FANCC: variants seen among roughly 807,000 people sequenced by gnomAD.
The protein encoded by FANCC is FA complementation group C.
A neutral mutation model predicts 71.3 loss-of-function variants in FANCC; 55 were observed. The ratio of observed to expected loss-of-function variants is 0.77; its 90% CI spans 0.62 to 0.97. The LOEUF (loss-of-function observed/expected upper bound fraction) is 0.97. FANCC is among the 50% of genes least tolerant of loss of function. The pLI, the probability that FANCC is intolerant of heterozygous loss-of-function variation, is 0.00. For missense variants in FANCC, 678 were observed against 670.9 expected (o/e 1.01, Z -0.12); for synonymous variants, 275 against 244.9 (o/e 1.12, Z -1.15).
At chr9:95,150,995 A>T (rs1303951117) in intron 6 of FANCC, among the ~76,000 whole-genome samples, 4 of 152,258 alleles carry the variant, frequency 2.6e-5, no homozygotes, top group Admixed American at 6.5e-5. Context: ...CCTCAACTGC[A>T]CTAGTCACAG....
chr9:95,269,374 G>A lies in FANCC; in HGVS notation c.-78-20005C>T, dbSNP rs145228375. Among the ~76,000 whole-genome samples the A allele has an allele frequency of 3.0e-3, 464 of 152,316 alleles. 1 individual carries two copies. The highest frequency in any genetic ancestry group is 8.8e-3 in the African/African-American group (366 of 41,558). On this transcript the variant is annotated intron_variant, in intron 1 of 14. Coordinates refer to ENST00000289081, the MANE Select transcript of FANCC (RefSeq NM_000136.3). Reference sequence around the variant, plus strand: ...ATGGGGGAATTGTTTTTACAAACTCGTTGAAAGATGATTACAATAGTCCTT... The same window carrying A: ...ATGGGGGAATTGTTTTTACAAACTCATTGAAAGATGATTACAATAGTCCTT...
intron 8 of FANCC, among the ~76,000 whole-genome samples, chr9:95,133,921 T>C (rs899984171): frequency 6.6e-6 from 1 of 152,238 alleles, no homozygotes; most frequent in African/African-American, 2.4e-5. Context: ...CATTTTAAAA[T>C]AAGGTGCATT....
At chr9:95,136,409 T>G (rs1380013573) in intron 7 of FANCC, among the ~76,000 whole-genome samples, 1 of 151,720 alleles carries the variant, frequency 6.6e-6, no homozygotes, top group Non-Finnish European at 1.5e-5. Context: ...ATTTCATATA[T>G]GGTAGTTATG....
At chr9:95,104,498 C>T (rs1263632412) in intron 14 of FANCC, among the ~76,000 whole-genome samples, 2 of 152,030 alleles carry the variant, frequency 1.3e-5, no homozygotes, top group Non-Finnish European at 2.9e-5. Context: ...GGCTGAACCA[C>T]GTGTCAGGAG....
intron 14 of FANCC, among the ~76,000 whole-genome samples, chr9:95,102,458 G>A (rs2134391368): frequency 6.6e-6 from 1 of 152,342 alleles, no homozygotes; most frequent in Middle Eastern, 3.4e-3. Flanking sequence ...AGAAAAAAGG[G>A]AAGGGTGAGA....
intron 1 of FANCC, among the ~76,000 whole-genome samples, chr9:95,269,785 G>A (rs2136210881): frequency 6.6e-6 from 1 of 152,230 alleles, no homozygotes; most frequent in East Asian, 1.9e-4. Context: ...GGGGTGGGTT[G>A]CCCCTACACA....
intron 4 of FANCC, among the ~76,000 whole-genome samples, chr9:95,231,524 C>T (rs796620667): frequency 6.6e-6 from 1 of 152,138 alleles, no homozygotes; most frequent in Middle Eastern, 3.2e-3. Context: ...CTAGCGAGAG[C>T]CCCTGTCTCC....
At chr9:95,146,499 A>AAAAC (rs1829568187) in intron 7 of FANCC, among the ~76,000 whole-genome samples, 1 of 151,340 alleles carries the variant, frequency 6.6e-6, no homozygotes, top group Admixed American at 6.6e-5. Context: ...AAAAAAAAAA[A>AAAAC]AAAAAAAAAA....
chr9:95,123,864 C>G (rs1588094348), intron 10 of FANCC: 1 of 584,766 alleles, frequency 1.7e-6, no homozygotes, highest in East Asian at 3.7e-5. Flanking sequence ...CCAAAGCCCA[C>G]GTAAGGAGTT....
At position 95,226,468 on chromosome 9, in the gene FANCC, C is replaced by G. The variant is rs74615438; in HGVS notation, c.345+14181G>C. ...AGACAGCGTCTCCCCGGGCAGCTGC[C>G]CAGGAACACGGCAGACAGGAGTGAG... On this transcript the variant is annotated intron_variant, in intron 4 of 14. Coordinates refer to ENST00000289081, the MANE Select transcript of FANCC (RefSeq NM_000136.3). Among the ~76,000 whole-genome samples the G allele has an allele frequency of 3.1e-3, 474 of 152,170 alleles. 9 individuals carry two copies. The East Asian group carries it at 0.043, about 14-fold the overall frequency.
chr9:95,315,760 T>A (rs1293356241), intron 1 of FANCC, among the ~76,000 whole-genome samples: 2 of 152,250 alleles, frequency 1.3e-5, no homozygotes, highest in Non-Finnish European at 2.9e-5. Flanking sequence ...ACCACTCATG[T>A]GAGTTTCCTC....
At chr9:95,287,834 T>TCCC (rs1293086074) in intron 1 of FANCC, among the ~76,000 whole-genome samples, 10 of 152,364 alleles carry the variant, frequency 6.6e-5, no homozygotes, top group African/African-American at 2.4e-4. Flanking sequence ...CAGAGTAGTA[T>TCCC]TTCTGCAATT....
intron 1 of FANCC, among the ~76,000 whole-genome samples, chr9:95,265,546 T>C (rs1426191503): frequency 6.6e-6 from 1 of 152,200 alleles, no homozygotes; most frequent in African/African-American, 2.4e-5. Context: ...ATGCATTCTA[T>C]TACAATCATT....
chr9:95,182,356 T>A (rs933964093), intron 4 of FANCC, among the ~76,000 whole-genome samples: 7 of 152,028 alleles, frequency 4.6e-5, no homozygotes, highest in Admixed American at 4.6e-4. Context: ...CCGTCTCTAC[T>A]AAAAATACAA....
intron 1 of FANCC, chr9:95,292,919 C>T (rs1361711176): frequency 4.9e-5 from 78 of 1,579,656 alleles, no homozygotes; most frequent in East Asian, 6.7e-5. Context: ...GGTGCACATG[C>T]GGCTGTCCCT....
At chr9:95,155,779 GC>G (rs1830433933) in intron 6 of FANCC, among the ~76,000 whole-genome samples, 3 of 152,182 alleles carry the variant, frequency 2.0e-5, no homozygotes, top group African/African-American at 7.2e-5. Context: ...GTGCAGTGGT[GC>G]AGTCTTGGCT....
At position 95,299,261 on chromosome 9, in the gene FANCC, C is replaced by A. The variant is rs568090993; in HGVS notation, c.-79+18265G>T. On this transcript the variant is annotated intron_variant, in intron 1 of 14. Transcript: ENST00000289081. ...TAATTTGTAATGAGCAATAAGAAAA[C>A]TTGAAATTTTTCCAGCTTTGTCTAG... 4.0e-4 allele frequency among the ~76,000 whole-genome samples: 61 copies of A among 152,252 alleles called. No individual in the cohort carries two copies. In the South Asian group the frequency reaches 0.012, roughly 31 times the overall value.
intron 1 of FANCC, among the ~76,000 whole-genome samples, chr9:95,256,121 G>C (rs1831642400): frequency 6.6e-6 from 1 of 152,170 alleles, no homozygotes; most frequent in Admixed American, 6.5e-5. Flanking sequence ...ACACTCTTCA[G>C]GGTATCATCC....
At chr9:95,238,420 CTTT>C (rs1564784203) in intron 4 of FANCC, among the ~76,000 whole-genome samples, 1 of 152,160 alleles carries the variant, frequency 6.6e-6, no homozygotes, top group Non-Finnish European at 1.5e-5. Flanking sequence ...TTCTCCATTT[CTTT>C]GAGGCCCTCG....
Sources: allele counts gnomAD v4.1 joint callset (sites outside exome capture counted in the v4.1 genomes callset), GRCh38; gene constraint gnomAD v4.1.1; transcripts MANE v1.5; gene names NCBI Gene and HGNC (gene_info 2026-07-23, HGNC 2026-07-21).